Variants in PRAG1 observed in about 807,000 individuals in gnomAD.
The protein encoded by PRAG1 is inactive tyrosine-protein kinase PRAG1.
In PRAG1, 110 loss-of-function variants were observed where a neutral mutation model predicts 95.6. The observed-to-expected ratio is 1.15, with a 90% CI of 0.99 to 1.35. The LOEUF (loss-of-function observed/expected upper bound fraction) is 1.35, where lower values mean the gene tolerates loss of function less well. Among genes scored for constraint, PRAG1 ranks in the 40% most tolerant of loss-of-function variants. PRAG1 has a pLI of 0.00. For missense variants in PRAG1, 2,554 were observed against 1,864.7 expected (o/e 1.37, Z -6.81); for synonymous variants, 1,052 against 819.4 (o/e 1.28, Z -4.85).
At chr8:8,375,121 C>T (rs1449673920) in intron 3 of PRAG1, among the ~76,000 whole-genome samples, 7 of 150,748 alleles carry the variant, frequency 4.6e-5, no homozygotes, top group Admixed American at 4.6e-4. Flanking sequence ...TTAAAAGGTA[C>T]TTTAAACTGA....
At chr8:8,372,428 T>G (rs1224146048) in intron 3 of PRAG1, among the ~76,000 whole-genome samples, 2 of 152,246 alleles carry the variant, frequency 1.3e-5, no homozygotes, top group African/African-American at 4.8e-5. Flanking sequence ...CATCTTATAA[T>G]TCTGCCTTAT....
At chr8:8,383,127 C>T (rs944262284) in intron 1 of PRAG1, among the ~76,000 whole-genome samples, 3 of 152,170 alleles carry the variant, frequency 2.0e-5, no homozygotes, top group African/African-American at 7.2e-5. Context: ...AAACTGTCAA[C>T]AGGACTAACC....
intron 4 of PRAG1, 110 bp downstream of exon 4, chr8:8,339,368 G>A: frequency 2.5e-6 from 3 of 1,179,986 alleles, no homozygotes; most frequent in East Asian, 4.9e-5. Flanking sequence ...TGAGAAAGCA[G>A]GACCAAGACA....
chr8:8,330,894 C>T (rs1026643993), intron 4 of PRAG1, among the ~76,000 whole-genome samples: 4 of 152,176 alleles, frequency 2.6e-5, no homozygotes, highest in African/African-American at 9.7e-5. Flanking sequence ...AGACCACCTA[C>T]TTATGAGGCT....
Position 8,339,609 on chromosome 8 carries a change from C to G in PRAG1, c.2189G>C (p.Ser730Thr), listed in dbSNP as rs1242970298. The G allele has an allele frequency of 3.1e-6, 5 of 1,613,186 alleles. No individual in the cohort carries two copies. The highest frequency in any genetic ancestry group is 4.2e-6 in the Non-Finnish European group (5 of 1,179,180). Residue 730 changes from serine (S) to threonine (T), a missense_variant, in exon 4 of 6, where the codon AGC (serine) becomes ACC (threonine). By Grantham distance (58) the Ser-to-Thr change is moderately conservative (BLOSUM62 1). Coordinates refer to ENST00000615670, the MANE Select transcript of PRAG1 (RefSeq NM_001080826.3). ...CTGGCTCACTTTTTCCAAATCAGAG[C>G]TGCTCTTGTTCATTTTTAGAAGGTG... ...SRHLLKMNKS[S>T]SDLEKVSQGS...
At position 8,365,580 on chromosome 8, in the gene PRAG1, C is replaced by T. The variant is rs191888920; in HGVS notation, c.2162+10667G>A. On this transcript the variant is annotated intron_variant, in intron 3 of 5. Transcript: ENST00000615670. ...TGGAGGTTGTGGTGAGCTGACATCGCGCCATTGCACTCCAGCCTGGGCAAC... is the reference window on the plus strand; with the variant it reads ...TGGAGGTTGTGGTGAGCTGACATCGTGCCATTGCACTCCAGCCTGGGCAAC... 3.9e-3 allele frequency among the ~76,000 whole-genome samples: 587 copies of T among 151,344 alleles called. 2 individuals carry two copies. Among genetic ancestry groups the T allele is most frequent in the Middle Eastern group, 0.01 (3 of 290 alleles).
chr8:8,385,462 T>A lies in PRAG1; in HGVS notation c.-88+859A>T, dbSNP rs553641171. Reference sequence around the variant, plus strand: ...TCAGGAGAGAAAAATAACTGCGGAATTCCCTAGGGCTTTCTGTCAAATTTT... The same window carrying A: ...TCAGGAGAGAAAAATAACTGCGGAAATCCCTAGGGCTTTCTGTCAAATTTT... On this transcript the variant is annotated intron_variant, in intron 1 of 5. Coordinates refer to ENST00000615670, the MANE Select transcript of PRAG1 (RefSeq NM_001080826.3). Among the ~76,000 whole-genome samples the A allele has an allele frequency of 7.9e-4, 121 of 152,288 alleles. No individual in the cohort carries two copies. In the Middle Eastern group the frequency reaches 0.01, roughly 13 times the overall value.
intron 2 of PRAG1, among the ~76,000 whole-genome samples, chr8:8,379,578 A>G (rs1800564300): frequency 6.6e-6 from 1 of 152,208 alleles, no homozygotes; most frequent in East Asian, 1.9e-4. Flanking sequence ...CTCCTCAATG[A>G]AGACTCCCCT....
At chr8:8,353,347 A>G (rs1462739561) in intron 3 of PRAG1, among the ~76,000 whole-genome samples, 4 of 152,206 alleles carry the variant, frequency 2.6e-5, no homozygotes, top group African/African-American at 9.6e-5. Context: ...TTGAAATCAT[A>G]TCTAGTATTG....
intron 3 of PRAG1, among the ~76,000 whole-genome samples, chr8:8,356,671 T>G (rs550550253): frequency 2.6e-5 from 4 of 152,270 alleles, no homozygotes; most frequent in Admixed American, 2.6e-4. Flanking sequence ...TGGCATTTTT[T>G]GCAGAAATAA....
chr8:8,327,829 T>C lies in PRAG1; in HGVS notation c.2953A>G (p.Asn985Asp), dbSNP rs554911322. ...MGGQKKELHFNENNWSLFKLT... is the reference protein window; with the variant it reads ...MGGQKKELHFDENNWSLFKLT... ...TTGAAGAGCGACCAGTTATTCTCAT[T>C]GAAGTGGAGCTCCTTTTTCTGGCCG... The change falls in exon 5 of 6, where the codon AAT becomes GAT. Residue 985 changes from asparagine (N) to aspartate (D), a missense_variant. By Grantham distance (23) the Asn-to-Asp change is conservative. Transcript: ENST00000615670. 8.1e-6 allele frequency: 13 copies of C among 1,614,180 alleles called. No individual in the cohort carries two copies. In the East Asian group the frequency reaches 2.7e-4, roughly 33 times the overall value.
chr8:8,376,503 G>C lies in PRAG1; in HGVS notation c.1906C>G (p.Gln636Glu). 6.2e-7 allele frequency: 1 copy of C among 1,611,998 alleles called. No individual in the cohort carries two copies. The highest frequency in any genetic ancestry group is 8.5e-7 in the Non-Finnish European group (1 of 1,178,692). The change falls in exon 3 of 6, where the codon CAG (glutamine) becomes GAG (glutamate). Residue 636 changes from glutamine (Q) to glutamate (E), a missense_variant. Transcript: ENST00000615670. ...TCCTCTTCTTCCTCTATCCGGCACT[G>C]ACGACTCCAGGTGCCTGCCTGGAAC... Reference protein sequence around the residue: ...PRFQAGTWSRQCRIEEEEEVE... With the variant: ...PRFQAGTWSRECRIEEEEEVE...
chr8:8,380,154 A>G (rs1177687101), intron 2 of PRAG1, among the ~76,000 whole-genome samples: 6 of 152,148 alleles, frequency 3.9e-5, no homozygotes, highest in Non-Finnish European at 8.8e-5. Context: ...ATGTACCTCT[A>G]GTCTTAGATT....
At chr8:8,369,831 G>A (rs1800133275) in intron 3 of PRAG1, among the ~76,000 whole-genome samples, 1 of 151,638 alleles carries the variant, frequency 6.6e-6, no homozygotes, top group Admixed American at 6.6e-5. Context: ...TCCCTAAACA[G>A]AACAGAGGAT....
At chr8:8,338,988 G>A (rs991368014) in intron 4 of PRAG1, among the ~76,000 whole-genome samples, 2 of 152,142 alleles carry the variant, frequency 1.3e-5, no homozygotes, top group African/African-American at 4.8e-5. Flanking sequence ...CAAAAAGCAG[G>A]CTAGATGGTG....
chr8:8,350,696 G>A lies in PRAG1; in HGVS notation c.2163-11061C>T, dbSNP rs370278386. ...AAGAGCATGAACACTGGTGCTTCAC[G>A]GCCTGGGTTCGGGTCCTGACTCAAT... On this transcript the variant is annotated intron_variant, in intron 3 of 5. Coordinates refer to ENST00000615670, the MANE Select transcript of PRAG1 (RefSeq NM_001080826.3). Among the ~76,000 whole-genome samples the A allele has an allele frequency of 6.8e-4, 104 of 152,284 alleles. No individual in the cohort carries two copies. The South Asian group carries it at 8.7e-3, about 13-fold the overall frequency.
chr8:8,340,273 A>G (rs532429341), intron 3 of PRAG1, among the ~76,000 whole-genome samples: 2 of 152,364 alleles, frequency 1.3e-5, no homozygotes, highest in South Asian at 2.1e-4. Context: ...CTTTTGTTGC[A>G]TCTCTAAATA....
At chr8:8,342,585 T>C (rs1799209270) in intron 3 of PRAG1, among the ~76,000 whole-genome samples, 1 of 152,176 alleles carries the variant, frequency 6.6e-6, no homozygotes, top group Admixed American at 6.5e-5. Flanking sequence ...GACCAGTTGC[T>C]GTATAAATGA....
rs756717703 is a variant in PRAG1, at chr8:8,327,972, T to G, written c.2810A>C (p.Gln937Pro). 6.2e-7 allele frequency: 1 copy of G among 1,602,736 alleles called. No individual in the cohort carries two copies. The highest frequency in any genetic ancestry group is 1.3e-5 in the African/African-American group (1 of 74,632). Residue 937 changes from glutamine to proline, a missense_variant, in exon 5 of 6, where the codon CAG (glutamine) becomes CCG (proline). Coordinates refer to ENST00000615670, the MANE Select transcript of PRAG1 (RefSeq NM_001080826.3). ...GATGTTGCTCAGGAGACCGTGCAGCTGAAGCTGGGTGCTCCCGGTGGAGGC... is the reference window on the plus strand; with the variant it reads ...GATGTTGCTCAGGAGACCGTGCAGCGGAAGCTGGGTGCTCCCGGTGGAGGC... ...SQASTGSTQL[Q>P]LHGLLSNISS... is the part of the protein sequence containing the mutation.
Sources: allele counts gnomAD v4.1 joint callset (sites outside exome capture counted in the v4.1 genomes callset), GRCh38; gene constraint gnomAD v4.1.1; transcripts MANE v1.5; gene names NCBI Gene and HGNC (gene_info 2026-07-23, HGNC 2026-07-21).